Variants in ANO2 observed in about 807,000 individuals in gnomAD.
ANO2 encodes anoctamin-2.
Under a neutral mutation model 124.2 loss-of-function variants are expected in ANO2, and 101 were observed. The observed-to-expected ratio is 0.81, with a 90% confidence interval of 0.69 to 0.96. ANO2 has a LOEUF of 0.96. Among genes scored for constraint, ANO2 ranks in the 40% least tolerant of loss-of-function variants. ANO2 has a pLI of 0.00. For missense variants in ANO2, 1,293 were observed against 1,274.5 expected (o/e 1.01, Z -0.22); for synonymous variants, 486 against 482.5 (o/e 1.01, Z -0.09).
At chr12:5,765,170 G>T (rs1591590008) in intron 10 of ANO2, among the ~76,000 whole-genome samples, 1 of 152,186 alleles carries the variant, frequency 6.6e-6, no homozygotes, top group Non-Finnish European at 1.5e-5. Context: ...CCATTTAAGA[G>T]AAACAGTAGC....
chr12:5,613,203 A>C (rs1453081041), intron 17 of ANO2, among the ~76,000 whole-genome samples: 4 of 152,112 alleles, frequency 2.6e-5, no homozygotes, highest in Non-Finnish European at 4.4e-5. Flanking sequence ...GCAGAGGATG[A>C]AGCTGGGCCT....
At chr12:5,596,916 C>T (rs1943688461) in intron 20 of ANO2, among the ~76,000 whole-genome samples, 1 of 152,076 alleles carries the variant, frequency 6.6e-6, no homozygotes, top group African/African-American at 2.4e-5. Context: ...TCCTGACAAT[C>T]CTATTATATT....
intron 14 of ANO2, among the ~76,000 whole-genome samples, chr12:5,671,186 A>G (rs1207834812): frequency 1.3e-5 from 2 of 152,018 alleles, no homozygotes; most frequent in African/African-American, 2.4e-5. Context: ...ACCTCTTTCT[A>G]CACTCATTAT....
intron 1 of ANO2, among the ~76,000 whole-genome samples, chr12:5,941,079 G>A (rs1037383638): frequency 9.8e-5 from 15 of 152,290 alleles, no homozygotes; most frequent in African/African-American, 2.2e-4. Context: ...AAGTGGATTC[G>A]CGGTTGCCAA....
chr12:5,633,408 C>T (rs1215243921), intron 16 of ANO2, among the ~76,000 whole-genome samples: 1 of 152,150 alleles, frequency 6.6e-6, no homozygotes, highest in Non-Finnish European at 1.5e-5. Context: ...GATATTTTGG[C>T]TTTGTCCACT....
intron 10 of ANO2, among the ~76,000 whole-genome samples, chr12:5,778,054 AT>A (rs1433632484): frequency 2.0e-5 from 3 of 152,316 alleles, no homozygotes; most frequent in African/African-American, 7.2e-5. Context: ...ATCAAAAGGA[AT>A]GCCCAGTTGT....
intron 3 of ANO2, among the ~76,000 whole-genome samples, chr12:5,875,408 C>A (rs1324991885): frequency 6.6e-6 from 1 of 152,226 alleles, no homozygotes; most frequent in Non-Finnish European, 1.5e-5. Flanking sequence ...GTACTCCTTC[C>A]TGCTACATCA....
intron 14 of ANO2, among the ~76,000 whole-genome samples, chr12:5,726,103 A>G (rs979722363): frequency 6.6e-6 from 1 of 152,062 alleles, no homozygotes; most frequent in African/African-American, 2.4e-5. Context: ...TGTCCGGGAT[A>G]CAGCAGTCTA....
intron 7 of ANO2, 164 bp downstream of exon 7, chr12:5,827,605 C>T: frequency 2.5e-6 from 2 of 801,474 alleles, no homozygotes; most frequent in East Asian, 2.7e-5. Context: ...ACCCCCGCTG[C>T]TCCTGGGGCC....
intron 15 of ANO2, among the ~76,000 whole-genome samples, chr12:5,641,160 T>C (rs1398218949): frequency 2.7e-5 from 4 of 150,838 alleles, no homozygotes; most frequent in Non-Finnish European, 5.9e-5. Flanking sequence ...CACTCATAGG[T>C]TGGAACTGAA....
At chr12:5,841,896 A>C (rs1954526600) in intron 4 of ANO2, among the ~76,000 whole-genome samples, 1 of 151,918 alleles carries the variant, frequency 6.6e-6, no homozygotes, top group Admixed American at 6.6e-5. Context: ...TTGAGACAAG[A>C]TCTCACTCTG....
chr12:5,599,453 C>T (rs1183756568), intron 20 of ANO2, 31 bp downstream of exon 20: 2 of 1,579,508 alleles, frequency 1.3e-6, no homozygotes, highest in Non-Finnish European at 1.7e-6. Flanking sequence ...TGAACCTGCC[C>T]CCAGTGGAAG....
chr12:5,940,939 G>A (rs116713693), intron 1 of ANO2, among the ~76,000 whole-genome samples: 6 of 152,136 alleles, frequency 3.9e-5, no homozygotes, highest in Admixed American at 6.6e-5. Context: ...ATGAAGTACC[G>A]ATATGTGTAA....
At chr12:5,888,403 C>A (rs184020990) in intron 3 of ANO2, among the ~76,000 whole-genome samples, 5 of 152,252 alleles carry the variant, frequency 3.3e-5, no homozygotes, top group Admixed American at 6.5e-5. Flanking sequence ...GGGACGCCAG[C>A]GGATTGCCAC....
chr12:5,611,380 T>C (rs1395802357), intron 19 of ANO2, among the ~76,000 whole-genome samples: 1 of 149,038 alleles, frequency 6.7e-6, no homozygotes, highest in Non-Finnish European at 1.5e-5. Context: ...CAGTCTATTT[T>C]GTCTCCCAGA....
chr12:5,872,053 G>A (rs1937736911), intron 3 of ANO2, among the ~76,000 whole-genome samples: 1 of 152,204 alleles, frequency 6.6e-6, no homozygotes, highest in South Asian at 2.1e-4. Context: ...CAGAGAAGCA[G>A]TCCAGAAACT....
intron 3 of ANO2, among the ~76,000 whole-genome samples, chr12:5,889,222 T>C (rs1939207674): frequency 6.6e-6 from 1 of 151,582 alleles, no homozygotes; most frequent in East Asian, 1.9e-4. Flanking sequence ...TTCCCGACCA[T>C]GCCTCTCCCT....
chr12:5,906,285 G>T (rs1940677749), intron 3 of ANO2, among the ~76,000 whole-genome samples: 1 of 150,146 alleles, frequency 6.7e-6, no homozygotes, highest in Admixed American at 6.7e-5. Flanking sequence ...TAGGCATTAT[G>T]CTTTGAATCA....
At position 5,739,166 on chromosome 12, in the gene ANO2, T is replaced by C. The variant is rs754139381; in HGVS notation, c.1434+151A>G. ...CAGAGTAGGTCAACCATGGCCCAAGTCCATGGAGCCAAGCTACACAGGCAG... is the reference window on the plus strand; with the variant it reads ...CAGAGTAGGTCAACCATGGCCCAAGCCCATGGAGCCAAGCTACACAGGCAG... On this transcript the variant is annotated intron_variant, in intron 13 of 24. Transcript: ENST00000682330. 3.6e-4 allele frequency: 281 copies of C among 770,524 alleles called. 1 individual carries two copies. The highest frequency in any genetic ancestry group is 9.2e-5 in the Non-Finnish European group (41 of 444,024). The allele number at this position is 770,524 out of a possible 1,614,324, so 47.7% of individuals were successfully genotyped here. A position where few individuals can be genotyped will look rare whatever the true frequency, so the allele number is the denominator to read the frequency against.
Sources: allele counts gnomAD v4.1 joint callset (sites outside exome capture counted in the v4.1 genomes callset), GRCh38; gene constraint gnomAD v4.1.1; transcripts MANE v1.5; gene names NCBI Gene and HGNC (gene_info 2026-07-23, HGNC 2026-07-21).